The following VIRMA variants were observed in gnomAD, a reference collection of about 807,000 sequenced individuals.
VIRMA encodes the protein protein virilizer homolog.
VIRMA carries 65 observed loss-of-function variants against 182.4 expected under a neutral mutation model. The ratio of observed to expected loss-of-function variants is 0.36; its 90% CI spans 0.29 to 0.44. VIRMA has a LOEUF of 0.44. Among genes scored for constraint, VIRMA ranks in the 20% least tolerant of loss-of-function variants. The pLI is 1.00. For synonymous variants in VIRMA, 709 were observed against 743.1 expected, an observed-to-expected ratio of 0.95 and a Z score of 0.75; for missense variants, 1,752 against 2,158.1, an observed-to-expected ratio of 0.81 and a Z score of 3.73.
chr8:94,534,789 T>A (rs777259066), intron 5 of VIRMA, 50 bp downstream of exon 5: 90 of 1,571,896 alleles, frequency 5.7e-5, no homozygotes, highest in African/African-American at 7.0e-5. Flanking sequence ...TTTTTTTTTT[T>A]AAACCACGGA....
chr8:94,489,302 A>T (rs2130248684), intron 23 of VIRMA, among the ~76,000 whole-genome samples: 1 of 152,386 alleles, frequency 6.6e-6, no homozygotes, highest in South Asian at 2.1e-4. Context: ...ATAAGAGCAC[A>T]TCACCATGAA....
chr8:94,509,431 AACGTAAT>A (rs1360961326), intron 15 of VIRMA, among the ~76,000 whole-genome samples: 1 of 152,080 alleles, frequency 6.6e-6, no homozygotes, highest in Non-Finnish European at 1.5e-5. Context: ...CTTGGTGTGT[AACGTAAT>A]TGGAAGGAAA....
intron 16 of VIRMA, among the ~76,000 whole-genome samples, chr8:94,503,519 G>A (rs564705224): frequency 6.6e-6 from 1 of 152,150 alleles, no homozygotes; most frequent in South Asian, 2.1e-4. Context: ...AAAATGTCAA[G>A]GTCATGAAAG....
At chr8:94,504,189 T>TA (rs201084337) in intron 16 of VIRMA, among the ~76,000 whole-genome samples, 15,703 of 138,890 alleles carry the variant, frequency 0.11, 846 homozygotes, top group South Asian at 0.13. Flanking sequence ...AAAATAAAAT[T>TA]AAAAAAAAAA....
chr8:94,494,224 G>C (rs1392718135), intron 20 of VIRMA, among the ~76,000 whole-genome samples: 2 of 152,130 alleles, frequency 1.3e-5, no homozygotes, highest in Admixed American at 1.3e-4. Context: ...GGAGGCCAAA[G>C]AGAGAGGATT....
chr8:94,503,495 A>G (rs1229530310), intron 16 of VIRMA, among the ~76,000 whole-genome samples: 2 of 152,196 alleles, frequency 1.3e-5, no homozygotes, highest in Non-Finnish European at 2.9e-5. Flanking sequence ...AAAACAAGTG[A>G]GCAGTACTCT....
chr8:94,538,591 G>C (rs576516083), intron 2 of VIRMA, among the ~76,000 whole-genome samples: 1 of 152,074 alleles, frequency 6.6e-6, no homozygotes, highest in South Asian at 2.1e-4. Flanking sequence ...AGTACTTTTT[G>C]CATGCTATCA....
In VIRMA at chr8:94,492,729, T is replaced by C. The variant is rs192756761; in HGVS notation, c.4731A>G (p.Pro1577=). 27 of 1,614,056 alleles carry C rather than the reference T, an allele frequency of 1.7e-5. No individual in the cohort carries two copies. In the African/African-American group the frequency reaches 2.4e-4, roughly 14 times the overall value. Residue 1577 remains proline (P), a synonymous_variant, in exon 21 of 24, where the codon CCA becomes CCG. Transcript: ENST00000297591. ...SELERSFLSE[P]SSPGRTKTTK... is the part of the protein sequence containing the mutation. ...TAGTCTTGGTTCTTCCTGGAGATGA[T>C]GGTTCTGACAAAAATGAGCGCTCTA...
In VIRMA at chr8:94,496,182, AATT is replaced by A. The variant is rs1272487180; in HGVS notation, c.4383+143_4383+145del. The A allele has an allele frequency of 5.8e-5, 43 of 739,120 alleles. 1 individual carries two copies. In the Admixed American group the frequency reaches 1.1e-3, roughly 19 times the overall value. The allele number at this position is 739,120 out of a possible 1,614,324, so 45.8% of individuals were successfully genotyped here. The stretch of plus-strand genomic sequence containing the variant: ...TAACAGGATGGAGGACTTCACTTCA[AATT>A]ATTAATTCAAAGAGTTATTTGAAAT... On this transcript the variant is annotated intron_variant, in intron 18 of 23. Transcript: ENST00000297591.
intron 7 of VIRMA, among the ~76,000 whole-genome samples, chr8:94,528,839 C>G (rs1250960435): frequency 1.3e-5 from 2 of 152,198 alleles, no homozygotes; most frequent in Non-Finnish European, 2.9e-5. Flanking sequence ...AACTGAGATA[C>G]AGTCAGGCAG....
At chr8:94,531,962 G>A (rs570934971) in intron 5 of VIRMA, among the ~76,000 whole-genome samples, 7 of 152,252 alleles carry the variant, frequency 4.6e-5, no homozygotes, top group East Asian at 3.9e-4. Flanking sequence ...TTGATGTAAC[G>A]TGTAAAATAA....
Position 94,511,480 on chromosome 8 carries a change from C to T in VIRMA, c.3095G>A (p.Arg1032His), listed in dbSNP as rs749331594. The change falls in exon 13 of 24, where the codon CGT becomes CAT. Residue 1032 changes from arginine (R) to histidine (H), a missense_variant. This residue lies in a region of VIRMA where 777 missense variants were observed against 920.6 expected (regional missense o/e 0.84). Transcript: ENST00000297591. ...RGGSFEFKDM[R>H]VPSALVTLHM... Reference sequence around the variant, plus strand: ...TAAAGTAACAAGCGCTGAAGGAACACGCATGTCCTTAAACTCAAAGGATCC... The same window carrying T: ...TAAAGTAACAAGCGCTGAAGGAACATGCATGTCCTTAAACTCAAAGGATCC... The T allele has an allele frequency of 3.1e-6, 5 of 1,614,072 alleles. No individual in the cohort carries two copies. The highest frequency in any genetic ancestry group is 2.2e-5 in the East Asian group (1 of 44,876).
At chr8:94,504,001 G>A (rs1037732597) in intron 16 of VIRMA, among the ~76,000 whole-genome samples, 3 of 151,644 alleles carry the variant, frequency 2.0e-5, no homozygotes, top group African/African-American at 7.3e-5. Flanking sequence ...GGTGAAACCC[G>A]CTCTCTACTA....
Position 94,489,890 on chromosome 8 carries a change from G to A in VIRMA, c.5284+49C>T, listed in dbSNP as rs199889876. Reference sequence around the variant, plus strand: ...ATATGATATCAACAATTTTAAAGGAGGAATTTACTTCCCTTCTCTCAGCAA... The same window carrying A: ...ATATGATATCAACAATTTTAAAGGAAGAATTTACTTCCCTTCTCTCAGCAA... On this transcript the variant is annotated intron_variant, in intron 23 of 23. Transcript: ENST00000297591. 24 of 1,587,834 alleles carry A rather than the reference G, an allele frequency of 1.5e-5. 1 individual carries two copies. The highest frequency in any genetic ancestry group is 1.8e-5 in the Non-Finnish European group (21 of 1,165,528).
At chr8:94,500,817 C>A (rs373294104) in intron 16 of VIRMA, among the ~76,000 whole-genome samples, 1 of 151,976 alleles carries the variant, frequency 6.6e-6, no homozygotes. Context: ...TTATTCATAA[C>A]CACCAAAATT....
At chr8:94,552,515 AAGAAC>A (rs1472567667) in intron 1 of VIRMA, among the ~76,000 whole-genome samples, 2 of 152,266 alleles carry the variant, frequency 1.3e-5, no homozygotes. Flanking sequence ...TCTCCAAAGA[AAGAAC>A]AGTTCTCTAA....
At chr8:94,502,444 A>G (rs1436585648) in intron 16 of VIRMA, among the ~76,000 whole-genome samples, 3 of 151,364 alleles carry the variant, frequency 2.0e-5, no homozygotes, top group Non-Finnish European at 4.4e-5. Flanking sequence ...TAAATTTTAT[A>G]ATTAAAACTT....
intron 16 of VIRMA, among the ~76,000 whole-genome samples, chr8:94,504,835 T>G (rs558421118): frequency 1.2e-4 from 18 of 152,256 alleles, no homozygotes; most frequent in African/African-American, 3.1e-4. Flanking sequence ...TACTTGGAGC[T>G]TAGCAGAGAG....
chr8:94,531,133 C>A (rs775726321), intron 5 of VIRMA, 48 bp from the exon 6 acceptor site: 4 of 1,491,910 alleles, frequency 2.7e-6, no homozygotes, highest in South Asian at 2.8e-5. Context: ...TTACAGATGA[C>A]CCCCGAACAA....
Sources: allele counts gnomAD v4.1 joint callset (sites outside exome capture counted in the v4.1 genomes callset), GRCh38; gene constraint gnomAD v4.1.1; regional missense constraint gnomAD v4.1.1; transcripts MANE v1.5; gene names NCBI Gene and HGNC (gene_info 2026-07-23, HGNC 2026-07-21).